Variants in CDON observed in about 807,000 individuals in gnomAD.
CDON encodes the protein cell adhesion associated, oncogene regulated, also known as cell adhesion molecule-related/down-regulated by oncogenes.
In CDON, 73 loss-of-function variants were observed where a neutral mutation model predicts 120.9. The observed-to-expected ratio is 0.60, with a 90% CI of 0.50 to 0.73. The LOEUF (loss-of-function observed/expected upper bound fraction) is 0.73, where lower values mean the gene tolerates loss of function less well. Among genes scored for constraint, CDON ranks in the 30% least tolerant of loss-of-function variants. The probability of loss-of-function intolerance (pLI) is 0.00; values close to 1 mark genes in which losing one functional copy is unlikely to be tolerated. For missense variants in CDON, 1,470 were observed against 1,587.3 expected (o/e 0.93, Z 1.26); for synonymous variants, 566 against 573.5 (o/e 0.99, Z 0.19).
At chr11:125,981,942 T>C (rs921620268) in intron 16 of CDON, among the ~76,000 whole-genome samples, 2 of 140,832 alleles carry the variant, frequency 1.4e-5, no homozygotes, top group Non-Finnish European at 3.1e-5. Flanking sequence ...AGGTGTGGAG[T>C]ACCAAAGGCA....
chr11:126,020,429 G>A (rs748157889), intron 3 of CDON, among the ~76,000 whole-genome samples: 17 of 152,100 alleles, frequency 1.1e-4, no homozygotes, highest in Non-Finnish European at 1.3e-4. Context: ...CACTACGGAC[G>A]GAGCCTGCAG....
intron 7 of CDON, chr11:126,010,996 C>A: frequency 2.2e-6 from 1 of 459,138 alleles, no homozygotes; most frequent in Non-Finnish European, 4.3e-6. Flanking sequence ...CTGACCACTG[C>A]AAATATAGAA....
chr11:126,001,816 G>A lies in CDON; in HGVS notation c.2061C>T (p.Ser687=), dbSNP rs765570573. ...KTASSKNTQA[S]SPPVGIPKYP... ...ACTTAGGGATGCCCACGGGTGGAGAGGATGCCTGGGTGTTTTTTGATGACG... is the reference window on the plus strand; with the variant it reads ...ACTTAGGGATGCCCACGGGTGGAGAAGATGCCTGGGTGTTTTTTGATGACG... Residue 687 remains serine, a synonymous_variant, in exon 11 of 20, where the codon TCC becomes TCT. Coordinates refer to ENST00000531738, the MANE Select transcript of CDON (RefSeq NM_001378964.1). The A allele has an allele frequency of 6.2e-7, 1 of 1,609,958 alleles. No homozygotes were observed. Among genetic ancestry groups the A allele is most frequent in the South Asian group, 1.1e-5 (1 of 91,014 alleles).
At chr11:126,005,226 C>T (rs980580092) in intron 9 of CDON, among the ~76,000 whole-genome samples, 5 of 148,622 alleles carry the variant, frequency 3.4e-5, no homozygotes, top group Middle Eastern at 3.5e-3. Flanking sequence ...TGCTGGAACC[C>T]GGGAGGCAGC....
chr11:126,049,596 A>C (rs1591432294), intron 1 of CDON, among the ~76,000 whole-genome samples: 2 of 152,322 alleles, frequency 1.3e-5, no homozygotes, highest in South Asian at 4.1e-4. Context: ...AATCTACACC[A>C]ATTAGCTATC....
intron 18 of CDON, among the ~76,000 whole-genome samples, chr11:125,977,451 T>C (rs541790342): frequency 6.6e-6 from 1 of 152,340 alleles, no homozygotes; most frequent in South Asian, 2.1e-4. Context: ...AGGTCAAACA[T>C]CATTTCAATA....
intron 15 of CDON, 128 bp downstream of exon 15, chr11:125,989,509 C>T: frequency 3.4e-6 from 3 of 890,462 alleles, no homozygotes; most frequent in Non-Finnish European, 5.5e-6. Context: ...GCACTCCAGC[C>T]TGGGTGACAG....
In CDON at chr11:126,050,245, T is replaced by C. The variant is rs566876244; in HGVS notation, c.-62+12334A>G. ...CAAAAAAACAAAAAAAAAGCACCCT[T>C]AGAATTTAGCTATTTTAATCTATTC... On this transcript the variant is annotated intron_variant, in intron 1 of 19. Transcript: ENST00000531738. 7.2e-5 allele frequency among the ~76,000 whole-genome samples: 11 copies of C among 151,806 alleles called. No individual in the cohort carries two copies. The South Asian group carries it at 2.3e-3, about 32-fold the overall frequency.
intron 13 of CDON, 24 bp from the exon 14 acceptor site, chr11:125,994,413 G>C: frequency 3.2e-6 from 4 of 1,255,404 alleles, no homozygotes; most frequent in Non-Finnish European, 4.7e-6. Context: ...GCAAAGACTT[G>C]TCAAAGAGAA....
intron 1 of CDON, among the ~76,000 whole-genome samples, chr11:126,038,550 G>A (rs1173119028): frequency 3.3e-5 from 5 of 152,020 alleles, no homozygotes; most frequent in East Asian, 1.9e-4. Context: ...TACTCGGGAC[G>A]CTGAGGCAGG....
Position 126,017,190 on chromosome 11 carries a change from C to T in CDON, c.826G>A (p.Ala276Thr). ...SNWRRLYSHL[A>T]TDSVDPADSG... ...TCCGCCGGGTCAACGCTATCAGTGG[C>T]AAGATGAGAATACAACCTTCTCCAG... Residue 276 changes from alanine (A) to threonine (T), a missense_variant, in exon 6 of 20, where the codon GCC (alanine) becomes ACC (threonine). Ala to Thr is a moderately conservative substitution (Grantham distance 58). Transcript: ENST00000531738. 6.2e-7 allele frequency: 1 copy of T among 1,614,182 alleles called. No individual in the cohort carries two copies. Among genetic ancestry groups the T allele is most frequent in the Non-Finnish European group, 8.5e-7 (1 of 1,180,030 alleles).
At chr11:125,989,842 G>T in intron 14 of CDON, 83 bp from the exon 15 acceptor site, 7 of 1,301,440 alleles carry the variant, frequency 5.4e-6, no homozygotes, top group Non-Finnish European at 6.4e-6. Flanking sequence ...TTCAGGATGA[G>T]GCTGGAGCAG....
intron 1 of CDON, among the ~76,000 whole-genome samples, chr11:126,043,258 G>A (rs573747733): frequency 2.0e-5 from 3 of 152,226 alleles, no homozygotes; most frequent in Admixed American, 6.5e-5. Flanking sequence ...CAATCAGACC[G>A]ATTGCAGGCT....
At chr11:126,032,302 T>A (rs1947964853) in intron 1 of CDON, among the ~76,000 whole-genome samples, 1 of 149,848 alleles carries the variant, frequency 6.7e-6, no homozygotes, top group Admixed American at 6.7e-5. Flanking sequence ...GGGGATGGAG[T>A]AGAGGAAGGG....
At chr11:126,043,404 G>A (rs1014684502) in intron 1 of CDON, among the ~76,000 whole-genome samples, 5 of 152,144 alleles carry the variant, frequency 3.3e-5, no homozygotes, top group African/African-American at 7.2e-5. Flanking sequence ...GTGTACTTTC[G>A]TTTTCAGTAA....
chr11:126,056,153 T>G (rs1948675634), intron 1 of CDON, among the ~76,000 whole-genome samples: 1 of 152,240 alleles, frequency 6.6e-6, no homozygotes, highest in Non-Finnish European at 1.5e-5. Flanking sequence ...CAAATGCCAT[T>G]ACAACACTTC....
chr11:126,042,546 G>T (rs571367281), intron 1 of CDON, among the ~76,000 whole-genome samples: 1 of 152,244 alleles, frequency 6.6e-6, no homozygotes, highest in South Asian at 2.1e-4. Flanking sequence ...ATTATTCAAA[G>T]AATAATAACA....
chr11:126,028,896 T>C (rs1947875009), intron 1 of CDON, among the ~76,000 whole-genome samples: 1 of 152,050 alleles, frequency 6.6e-6, no homozygotes, highest in African/African-American at 2.4e-5. Context: ...ATTTTGTCCA[T>C]AAATCTTAAA....
intron 1 of CDON, 145 bp downstream of exon 1, chr11:126,062,434 C>CGCAGCCCT (rs1478845277): frequency 1.3e-5 from 2 of 152,082 alleles, no homozygotes; most frequent in Non-Finnish European, 2.9e-5. Context: ...AGACCCCGCA[C>CGCAGCCCT]GCAGCCCTGC....
Sources: gnomAD v4.1 joint callset for allele counts (sites outside exome capture counted in the v4.1 genomes callset) on GRCh38, gnomAD v4.1.1 for gene constraint, MANE v1.5 for transcripts, NCBI Gene and HGNC (gene_info 2026-07-23, HGNC 2026-07-21) for gene names.